The following ABI3BP variants were observed in gnomAD, a reference collection of about 807,000 sequenced individuals.
ABI3BP encodes the protein target of Nesh-SH3.
Under a neutral mutation model 268.6 loss-of-function variants are expected in ABI3BP, and 216 were observed. The ratio of observed to expected loss-of-function variants is 0.80; its 90% CI spans 0.72 to 0.90. The LOEUF is 0.90. Among genes scored for constraint, ABI3BP ranks in the 40% least tolerant of loss-of-function variants. ABI3BP has a pLI of 0.00. For synonymous variants in ABI3BP, 730 were observed against 730.0 expected (o/e 1.00, Z 0.00); for missense variants, 2,090 against 2,182.4 (o/e 0.96, Z 0.84).
chr3:100,918,874 G>A (rs1327224876), intron 2 of ABI3BP, among the ~76,000 whole-genome samples: 1 of 152,136 alleles, frequency 6.6e-6, no homozygotes, highest in Non-Finnish European at 1.5e-5. Flanking sequence ...AGACTTCCTA[G>A]CTTCAAATCC....
intron 61 of ABI3BP, among the ~76,000 whole-genome samples, chr3:100,773,525 A>C: frequency 6.6e-6 from 1 of 152,226 alleles, no homozygotes; most frequent in East Asian, 1.9e-4. Context: ...AAACAGTACA[A>C]CTACTTTGGA....
intron 1 of ABI3BP, among the ~76,000 whole-genome samples, chr3:100,951,938 G>A (rs1222327982): frequency 2.0e-5 from 3 of 149,978 alleles, no homozygotes; most frequent in African/African-American, 7.6e-5. Context: ...TAAATTACTT[G>A]CAATGAGTTG....
intron 4 of ABI3BP, among the ~76,000 whole-genome samples, chr3:100,893,830 G>A (rs6804007): frequency 0.028 from 4,263 of 152,260 alleles, 197 homozygotes; most frequent in African/African-American, 0.097. Flanking sequence ...AAGAGAGAGG[G>A]GATCACTGGA....
Position 100,818,516 on chromosome 3 carries a change from T to A in ABI3BP, c.3088+9A>T. ...AAAGCACTATTTGAAGGACACACAT[T>A]CTCATTACCCATGGTTTTTGGAGCT... On this transcript the variant is annotated intron_variant, in intron 41 of 67. Transcript: ENST00000471714. 6.5e-7 allele frequency: 1 copy of A among 1,533,006 alleles called. No individual in the cohort carries two copies. The highest frequency in any genetic ancestry group is 8.7e-7 in the Non-Finnish European group (1 of 1,144,164). 95.0% of individuals were successfully genotyped at this position (1,533,006 alleles called of 1,614,324 possible). A position where few individuals can be genotyped will look rare whatever the true frequency, so the allele number is the denominator to read the frequency against.
chr3:100,820,330 A>G, intron 39 of ABI3BP, 27 bp from the exon 40 acceptor site: 2 of 1,523,440 alleles, frequency 1.3e-6, no homozygotes, highest in Non-Finnish European at 1.8e-6. Flanking sequence ...TTTAGTTACT[A>G]CAGAGTCCGT....
chr3:100,783,006 A>G (rs561011188), intron 57 of ABI3BP, among the ~76,000 whole-genome samples: 11 of 152,354 alleles, frequency 7.2e-5, no homozygotes, highest in African/African-American at 2.4e-4. Flanking sequence ...CTGGATTTAC[A>G]TAGTTCACCC....
intron 66 of ABI3BP, chr3:100,752,547 C>T (rs1472195153): frequency 7.7e-6 from 3 of 389,478 alleles, no homozygotes; most frequent in East Asian, 4.1e-5. Flanking sequence ...ATGTACATTC[C>T]AGTTTGTCAT....
In ABI3BP at chr3:100,778,266, G is replaced by A. The variant is rs750324394; in HGVS notation, c.4333+18C>T. 37 of 1,609,588 alleles carry A rather than the reference G, an allele frequency of 2.3e-5. No individual in the cohort carries two copies. The highest frequency in any genetic ancestry group is 3.1e-5 in the Non-Finnish European group (36 of 1,177,162). ...ACCGAAATCATGGCGGGAAAAGGAA[G>A]GTACATGACTAACGTACCTGCACTT... On this transcript the variant is annotated intron_variant, in intron 59 of 67. Coordinates refer to ENST00000471714, the MANE Select transcript of ABI3BP (RefSeq NM_001375547.2).
intron 59 of ABI3BP, 118 bp from the exon 60 acceptor site, chr3:100,775,453 C>T: frequency 2.2e-6 from 3 of 1,360,694 alleles, no homozygotes; most frequent in Non-Finnish European, 3.0e-6. Context: ...CACTATAGAC[C>T]AGGCTTGGAG....
chr3:100,872,129 C>T (rs970918627), intron 9 of ABI3BP, among the ~76,000 whole-genome samples: 2 of 152,190 alleles, frequency 1.3e-5, no homozygotes, highest in African/African-American at 4.8e-5. Context: ...CAGGCATGAA[C>T]CACCCCATCT....
chr3:100,926,003 C>A (rs1260542929), intron 2 of ABI3BP, among the ~76,000 whole-genome samples: 1 of 151,928 alleles, frequency 6.6e-6, no homozygotes, highest in Admixed American at 6.6e-5. Context: ...GAAAACTAGT[C>A]CACATAAAAT....
intron 14 of ABI3BP, among the ~76,000 whole-genome samples, chr3:100,855,744 C>G (rs1435652837): frequency 6.6e-6 from 1 of 152,148 alleles, no homozygotes; most frequent in Non-Finnish European, 1.5e-5. Flanking sequence ...TAGACATACC[C>G]TGTCATGGAA....
chr3:100,841,589 G>GA (rs1450456854), intron 21 of ABI3BP, among the ~76,000 whole-genome samples: 4 of 151,970 alleles, frequency 2.6e-5, no homozygotes, highest in Non-Finnish European at 5.9e-5. Flanking sequence ...AGATCTGAAG[G>GA]AAAATTAAGA....
intron 4 of ABI3BP, among the ~76,000 whole-genome samples, chr3:100,891,162 G>A (rs2044468901): frequency 6.6e-6 from 1 of 152,116 alleles, no homozygotes; most frequent in Non-Finnish European, 1.5e-5. Flanking sequence ...TAAGGCAAAT[G>A]CAAGTTATTT....
At chr3:100,838,376 A>G (rs1022142051) in intron 25 of ABI3BP, 26 bp downstream of exon 25, 3 of 1,533,438 alleles carry the variant, frequency 2.0e-6, no homozygotes, top group Admixed American at 3.9e-5. Flanking sequence ...CTATTTATAG[A>G]TCAAGGCATT....
chr3:100,967,969 C>A (rs1285030853), intron 1 of ABI3BP, among the ~76,000 whole-genome samples: 1 of 152,106 alleles, frequency 6.6e-6, no homozygotes. Context: ...TTTTTAAATT[C>A]ACTGAAATGA....
intron 63 of ABI3BP, among the ~76,000 whole-genome samples, chr3:100,765,396 G>T (rs916639620): frequency 6.6e-6 from 1 of 152,144 alleles, no homozygotes. Flanking sequence ...CCTGAGACTA[G>T]TCTGTAGTTA....
chr3:100,877,828 A>G (rs978649092), intron 6 of ABI3BP, among the ~76,000 whole-genome samples: 3 of 152,238 alleles, frequency 2.0e-5, no homozygotes, highest in Non-Finnish European at 2.9e-5. Flanking sequence ...AGGTGTTTAC[A>G]TGATTACCAA....
At chr3:100,886,778 T>TA (rs1010273845) in intron 4 of ABI3BP, among the ~76,000 whole-genome samples, 3 of 151,668 alleles carry the variant, frequency 2.0e-5, no homozygotes, top group African/African-American at 4.8e-5. Flanking sequence ...TTCAATTTTG[T>TA]AAAAAAAAGA....
Sources: gnomAD v4.1 joint callset for allele counts (sites outside exome capture counted in the v4.1 genomes callset) on GRCh38, gnomAD v4.1.1 for gene constraint, MANE v1.5 for transcripts, NCBI Gene and HGNC (gene_info 2026-07-23, HGNC 2026-07-21) for gene names.